ANK2: variants seen among roughly 807,000 people sequenced by gnomAD.
The protein encoded by ANK2 is ankyrin-2.
Under a neutral mutation model 360.5 loss-of-function variants are expected in ANK2, and 83 were observed. That is an observed-to-expected ratio of 0.23 (90% CI 0.19 to 0.28). The LOEUF is 0.28. Ranked by LOEUF, ANK2 falls within the 10% of genes least tolerant of loss-of-function variation. The pLI, the probability that ANK2 is intolerant of heterozygous loss-of-function variation, is 1.00. For missense variants in ANK2, 4,201 were observed against 4,795.7 expected, an observed-to-expected ratio of 0.88 and a Z score of 3.66; for synonymous variants, 1,740 against 1,759.5, an observed-to-expected ratio of 0.99 and a Z score of 0.28.
intron 2 of ANK2, among the ~76,000 whole-genome samples, chr4:112,954,229 C>CCTTCCTTCCTT (rs2095219653): frequency 2.8e-5 from 4 of 141,374 alleles, no homozygotes; most frequent in African/African-American, 8.3e-5. Context: ...CTCCCTCCCT[C>CCTTCCTTCCTT]CCTTCCTTCC....
At chr4:113,362,185 T>C (rs571980045) in intron 39 of ANK2, among the ~76,000 whole-genome samples, 4 of 152,324 alleles carry the variant, frequency 2.6e-5, no homozygotes, top group East Asian at 1.9e-4. Flanking sequence ...TATTAATGGC[T>C]TTTGTTGATG....
At chr4:112,743,473 G>A in the ANK2 span, among the ~76,000 whole-genome samples, 1 of 150,130 alleles carries the variant, frequency 6.7e-6, no homozygotes, top group East Asian at 2.0e-4. Flanking sequence ...AGTAATCTCG[G>A]TCTTTCTCTC....
At chr4:112,807,349 CAT>C in the ANK2 span, among the ~76,000 whole-genome samples, 1 of 152,276 alleles carries the variant, frequency 6.6e-6, no homozygotes, top group African/African-American at 2.4e-5. Context: ...AGGAGACAAA[CAT>C]GTATGCAGAT....
At chr4:112,913,410 C>A (rs575088338) in intron 2 of ANK2, among the ~76,000 whole-genome samples, 1 of 152,294 alleles carries the variant, frequency 6.6e-6, no homozygotes, top group East Asian at 1.9e-4. Flanking sequence ...AACGATCCTA[C>A]CACCTCAACC....
intron 2 of ANK2, among the ~76,000 whole-genome samples, chr4:113,180,704 C>G (rs1302015555): frequency 1.3e-5 from 2 of 151,996 alleles, no homozygotes; most frequent in Non-Finnish European, 2.9e-5. Flanking sequence ...AGCCTGGGAC[C>G]TTATAAAAAC....
chr4:113,277,816 T>C (rs759697404), intron 15 of ANK2, 21 bp from the exon 16 acceptor site: 3 of 1,578,642 alleles, frequency 1.9e-6, no homozygotes, highest in Admixed American at 3.3e-5. Context: ...ACGATTTTAC[T>C]TTTGTTTCTC....
At chr4:112,813,015 G>A in the ANK2 span, among the ~76,000 whole-genome samples, 19 of 151,974 alleles carry the variant, frequency 1.3e-4, no homozygotes, top group Non-Finnish European at 4.4e-5. Context: ...TGATGTGGGT[G>A]GATCACAAGG....
At chr4:112,903,017 T>G (rs1312274112) in intron 1 of ANK2, among the ~76,000 whole-genome samples, 1 of 152,126 alleles carries the variant, frequency 6.6e-6, no homozygotes, top group East Asian at 1.9e-4. Flanking sequence ...CTCTAAATAT[T>G]AATGGTTCAC....
the ANK2 span, among the ~76,000 whole-genome samples, chr4:112,707,126 A>AAGTTTTTCTCACTAAGT: frequency 6.6e-6 from 1 of 152,226 alleles, no homozygotes; most frequent in African/African-American, 2.4e-5. Context: ...TTGGATTCCT[A>AAGTTTTTCTCACTAAGT]TTTAGAAAGA....
chr4:113,149,929 T>C (rs1489584033), intron 1 of ANK2, among the ~76,000 whole-genome samples: 6 of 140,202 alleles, frequency 4.3e-5, no homozygotes, highest in Non-Finnish European at 7.7e-5. Context: ...AAGACATGAC[T>C]TTCATTCTCT....
intron 2 of ANK2, among the ~76,000 whole-genome samples, chr4:113,002,900 CTG>C (rs1341379408): frequency 6.6e-6 from 1 of 152,208 alleles, no homozygotes; most frequent in Non-Finnish European, 1.5e-5. Context: ...TCTCAGGCCT[CTG>C]TGGCTCTGTA....
At chr4:113,166,549 C>CTG (rs2097761602) in intron 1 of ANK2, among the ~76,000 whole-genome samples, 1 of 151,894 alleles carries the variant, frequency 6.6e-6, no homozygotes, top group African/African-American at 2.4e-5. Context: ...AAAGATATTT[C>CTG]ATCAGAAATA....
the ANK2 span, among the ~76,000 whole-genome samples, chr4:112,746,512 A>G: frequency 1.3e-5 from 2 of 151,484 alleles, no homozygotes; most frequent in South Asian, 2.1e-4. Flanking sequence ...TGTCTCAAAA[A>G]AAAAAAAAAA....
intron 2 of ANK2, among the ~76,000 whole-genome samples, chr4:113,182,897 A>G (rs1455106584): frequency 6.6e-6 from 1 of 152,172 alleles, no homozygotes; most frequent in Non-Finnish European, 1.5e-5. Context: ...TTGTAATAGG[A>G]AAGAAATAAT....
chr4:113,249,334 A>G (rs1387825336), intron 9 of ANK2, among the ~76,000 whole-genome samples: 1 of 152,254 alleles, frequency 6.6e-6, no homozygotes, highest in Non-Finnish European at 1.5e-5. Flanking sequence ...AGGTAAAAGT[A>G]TATTAGAACA....
At chr4:112,777,933 A>G in the ANK2 span, among the ~76,000 whole-genome samples, 1 of 149,152 alleles carries the variant, frequency 6.7e-6, no homozygotes. Flanking sequence ...ATAATCTTAT[A>G]TTTGAGAAGT....
At chr4:112,776,235 A>G in the ANK2 span, among the ~76,000 whole-genome samples, 1 of 152,358 alleles carries the variant, frequency 6.6e-6, no homozygotes, top group East Asian at 1.9e-4. Context: ...AGAAAAACAT[A>G]CAAATTTATT....
At position 112,989,544 on chromosome 4, in the gene ANK2, C is replaced by T. The variant is rs138111106; in HGVS notation, c.21+85030C>T. ...GCAGCAGCCTCGTGCAGTATGTTCTCATTATGCTTATGTAAAGTAAGTCTC... is the reference window on the plus strand; with the variant it reads ...GCAGCAGCCTCGTGCAGTATGTTCTTATTATGCTTATGTAAAGTAAGTCTC... On this transcript the variant is annotated intron_variant, in intron 2 of 30. Transcript: ENST00000503271. 3.9e-5 allele frequency among the ~76,000 whole-genome samples: 6 copies of T among 152,302 alleles called. No homozygotes were observed. The East Asian group carries it at 1.2e-3, about 29-fold the overall frequency.
At chr4:112,792,980 C>T in the ANK2 span, among the ~76,000 whole-genome samples, 1 of 152,158 alleles carries the variant, frequency 6.6e-6, no homozygotes, top group Admixed American at 6.5e-5. Context: ...CTCAAAACTA[C>T]ATTTCTTTTT....
Sources: gnomAD v4.1 joint callset for allele counts (sites outside exome capture counted in the v4.1 genomes callset) on GRCh38, gnomAD v4.1.1 for gene constraint, MANE v1.5 for transcripts, NCBI Gene and HGNC (gene_info 2026-07-23, HGNC 2026-07-21) for gene names.